The following STN1 variants were observed in gnomAD, a reference collection of about 807,000 sequenced individuals.
The protein encoded by STN1 is CST complex subunit STN1.
In STN1, 29 loss-of-function variants were observed where a neutral mutation model predicts 45.5. The observed-to-expected ratio is 0.64, with a 90% CI of 0.47 to 0.87. The LOEUF (loss-of-function observed/expected upper bound fraction) is 0.87. STN1 is among the 40% of genes least tolerant of loss of function. STN1 has a pLI of 0.00. For missense variants in STN1, 376 were observed against 441.4 expected (o/e 0.85, Z 1.33); for synonymous variants, 148 against 159.0 (o/e 0.93, Z 0.52).
At chr10:103,901,349 G>A (rs956698902) in intron 4 of STN1, among the ~76,000 whole-genome samples, 15 of 152,200 alleles carry the variant, frequency 9.9e-5, no homozygotes, top group African/African-American at 3.6e-4. Context: ...AGTCTCTTGA[G>A]TAGCTGGGAT....
At chr10:103,899,948 A>G in intron 5 of STN1, 114 bp downstream of exon 5, 1 of 820,158 alleles carries the variant, frequency 1.2e-6, no homozygotes, top group South Asian at 1.8e-5. Flanking sequence ...CACTCATTAA[A>G]TAGAGTTATA....
chr10:103,897,115 C>A (rs571914349), intron 7 of STN1, among the ~76,000 whole-genome samples: 2 of 152,092 alleles, frequency 1.3e-5, no homozygotes, highest in Admixed American at 1.3e-4. Flanking sequence ...AAATAAAGAC[C>A]GAGTTGTATT....
At chr10:103,883,874 G>A (rs1377224148) in intron 9 of STN1, among the ~76,000 whole-genome samples, 2 of 152,048 alleles carry the variant, frequency 1.3e-5, no homozygotes, top group African/African-American at 2.4e-5. Flanking sequence ...CGGATCACCT[G>A]AGGTTGGGAG....
intron 4 of STN1, among the ~76,000 whole-genome samples, chr10:103,902,833 G>A (rs1843218218): frequency 6.6e-6 from 1 of 152,178 alleles, no homozygotes; most frequent in South Asian, 2.1e-4. Flanking sequence ...TAAAGACGAT[G>A]AGAATCATTT....
chr10:103,889,104 C>A lies in STN1; in HGVS notation c.917G>T (p.Arg306Leu). Residue 306 changes from arginine to leucine, a missense_variant, in exon 9 of 10, where the codon CGG becomes CTG. Transcript: ENST00000224950. ...TTTCTGGCAGTCCTGCTGAATGATC[C>A]GGTGGATCTTTCTGTGCAGGTCTTT... ...EDKDLHRKIH[R>L]IIQQDCQKPN... 6.2e-7 allele frequency: 1 copy of A among 1,613,632 alleles called. No individual in the cohort carries two copies. Among genetic ancestry groups the A allele is most frequent in the Non-Finnish European group, 8.5e-7 (1 of 1,179,612 alleles).
At chr10:103,892,477 ATT>A (rs879764110) in intron 7 of STN1, among the ~76,000 whole-genome samples, 1 of 144,314 alleles carries the variant, frequency 6.9e-6, no homozygotes, top group African/African-American at 2.5e-5. Context: ...CTTAGTTGTG[ATT>A]TTTTTTTTTT....
chr10:103,909,177 G>GTATATAGTACA (rs1843263988), intron 3 of STN1, among the ~76,000 whole-genome samples: 1 of 151,176 alleles, frequency 6.6e-6, no homozygotes, highest in African/African-American at 2.4e-5. Flanking sequence ...GTTGGCATTT[G>GTATATAGTACA]GAGAGGAAGC....
At chr10:103,900,040 G>T in intron 5 of STN1, 22 bp downstream of exon 5, 1 of 1,607,392 alleles carries the variant, frequency 6.2e-7, no homozygotes, top group Non-Finnish European at 8.5e-7. Context: ...CCACCAATTT[G>T]GTAGAAATAT....
At chr10:103,898,840 G>A (rs373241281) in intron 6 of STN1, 37 bp downstream of exon 6, 61 of 1,610,524 alleles carry the variant, frequency 3.8e-5, no homozygotes, top group South Asian at 1.3e-4. Context: ...GTTTTCTGCC[G>A]TGGTCACGTG....
rs185029833 is a variant in STN1, at chr10:103,883,285, T to C, written c.950-444A>G. Among the ~76,000 whole-genome samples, 135 of 152,296 alleles carry C rather than the reference T, an allele frequency of 8.9e-4. 5 individuals carry two copies. The highest frequency in any genetic ancestry group is 3.4e-4 in the Non-Finnish European group (23 of 68,026). On this transcript the variant is annotated intron_variant, in intron 9 of 9. Coordinates refer to ENST00000224950, the MANE Select transcript of STN1 (RefSeq NM_024928.5). ...GTATGCTTCCCCCTAAGTCCTGATT[T>C]GATGCGGCTGCCTGGTGAGAAGGGA...
At chr10:103,911,232 G>A (rs537901153) in intron 2 of STN1, among the ~76,000 whole-genome samples, 1 of 152,266 alleles carries the variant, frequency 6.6e-6, no homozygotes, top group Non-Finnish European at 1.5e-5. Context: ...AGAAAGCTGA[G>A]AGGGGGAACC....
At chr10:103,889,994 C>T (rs11597399) in intron 8 of STN1, among the ~76,000 whole-genome samples, 10,792 of 152,114 alleles carry the variant, frequency 0.071, 464 homozygotes, top group Non-Finnish European at 0.1. Context: ...CGTGAGCCAC[C>T]GCACCTGGCC....
chr10:103,910,652 A>C, intron 2 of STN1, 30 bp from the exon 3 acceptor site: 1 of 1,217,652 alleles, frequency 8.2e-7, no homozygotes, highest in Non-Finnish European at 1.2e-6. Flanking sequence ...AAGTCGACAT[A>C]ATGTATGATT....
chr10:103,911,878 TG>T (rs763528501), intron 2 of STN1, among the ~76,000 whole-genome samples: 1 of 152,042 alleles, frequency 6.6e-6, no homozygotes, highest in Non-Finnish European at 1.5e-5. Flanking sequence ...ACAAAGGGAC[TG>T]AGAAAGAGTC....
chr10:103,880,466 C>T lies in STN1; in HGVS notation c.*2218G>A, dbSNP rs1187792803. 6.6e-6 allele frequency among the ~76,000 whole-genome samples: 1 copy of T among 152,216 alleles called. No individual in the cohort carries two copies. Among genetic ancestry groups the T allele is most frequent in the Non-Finnish European group, 1.5e-5 (1 of 68,040 alleles). On this transcript the variant is annotated 3_prime_UTR_variant, in exon 10 of 10. Coordinates refer to ENST00000224950, the MANE Select transcript of STN1 (RefSeq NM_024928.5). Reference sequence around the variant, plus strand: ...TGATCTTTGCTTGAACGTGGGGTTTCATTTGGGACCCTCCCCTCTCTGCCT... The same window carrying T: ...TGATCTTTGCTTGAACGTGGGGTTTTATTTGGGACCCTCCCCTCTCTGCCT...
intron 2 of STN1, among the ~76,000 whole-genome samples, chr10:103,912,173 G>A: frequency 6.6e-6 from 1 of 151,998 alleles, no homozygotes. Context: ...ATTGAATGGA[G>A]ACAAAGTGGT....
At chr10:103,894,061 G>C (rs770436428) in intron 7 of STN1, among the ~76,000 whole-genome samples, 1 of 152,114 alleles carries the variant, frequency 6.6e-6, no homozygotes, top group Non-Finnish European at 1.5e-5. Context: ...TTTTATTCAC[G>C]AGGCTTAGGG....
intron 1 of STN1, 66 bp from the exon 2 acceptor site, chr10:103,917,722 G>T (rs952532418): frequency 3.9e-5 from 42 of 1,071,650 alleles, no homozygotes; most frequent in Non-Finnish European, 4.9e-5. Context: ...CGGCCCTGAC[G>T]CTGCTCCCAG....
rs2134352910 is a variant in STN1, at chr10:103,881,098, T to C, written c.*1586A>G. 6.6e-6 allele frequency among the ~76,000 whole-genome samples: 1 copy of C among 152,278 alleles called. No individual in the cohort carries two copies. Among genetic ancestry groups the C allele is most frequent in the African/African-American group, 2.4e-5 (1 of 41,552 alleles). ...CTGTCTGCTTTCATCATTTTTTTCA[T>C]AGCTGCATAGTATTTCATTGTGCCC... On this transcript the variant is annotated 3_prime_UTR_variant, in exon 10 of 10. Coordinates refer to ENST00000224950, the MANE Select transcript of STN1 (RefSeq NM_024928.5).
Sources: gnomAD v4.1 joint callset for allele counts (sites outside exome capture counted in the v4.1 genomes callset) on GRCh38, gnomAD v4.1.1 for gene constraint, MANE v1.5 for transcripts, NCBI Gene and HGNC (gene_info 2026-07-23, HGNC 2026-07-21) for gene names.